The following CDK15 variants were observed in gnomAD, a reference collection of about 807,000 sequenced individuals.
CDK15 encodes the protein cyclin dependent kinase 15, also known as cyclin-dependent kinase 15.
In CDK15, 62 loss-of-function variants were observed where a neutral mutation model predicts 60.3. The ratio of observed to expected loss-of-function variants is 1.03; its 90% CI spans 0.84 to 1.27. The LOEUF is 1.27. CDK15 is among the 50% of genes most tolerant of loss of function. The pLI is 0.00. For synonymous variants in CDK15, 194 were observed against 195.7 expected, an observed-to-expected ratio of 0.99 and a Z score of 0.07; for missense variants, 541 against 527.8, an observed-to-expected ratio of 1.03 and a Z score of -0.25.
intron 9 of CDK15, among the ~76,000 whole-genome samples, chr2:201,851,098 C>A (rs1284950133): frequency 6.6e-6 from 1 of 151,812 alleles, no homozygotes; most frequent in Non-Finnish European, 1.5e-5. Flanking sequence ...TCAAGACCAG[C>A]CTGGTCAATA....
At chr2:201,879,145 G>A (rs1346855247) in intron 11 of CDK15, among the ~76,000 whole-genome samples, 1 of 152,152 alleles carries the variant, frequency 6.6e-6, no homozygotes, top group Non-Finnish European at 1.5e-5. Flanking sequence ...AGATCAACTT[G>A]AGGATTTGTC....
chr2:201,862,223 G>T lies in CDK15; in HGVS notation c.1009+7286G>T, dbSNP rs183063871. ...AGGGCCTTTCCCTGGGAGAATCCTT[G>T]TCATCTACATGCTACATAATGGGTA... On this transcript the variant is annotated intron_variant, in intron 10 of 13. Coordinates refer to ENST00000652192, the MANE Select transcript of CDK15 (RefSeq NM_001366386.2). Among the ~76,000 whole-genome samples, 177 of 152,280 alleles carry T rather than the reference G, an allele frequency of 1.2e-3. 1 individual carries two copies. Among genetic ancestry groups the T allele is most frequent in the African/African-American group, 4.1e-3 (172 of 41,556 alleles).
intron 6 of CDK15, among the ~76,000 whole-genome samples, chr2:201,832,392 AC>A (rs1696796301): frequency 6.6e-6 from 1 of 152,140 alleles, no homozygotes; most frequent in Admixed American, 6.5e-5. Flanking sequence ...CTTGTCTTTT[AC>A]CTGGAATTTA....
intron 3 of CDK15, among the ~76,000 whole-genome samples, chr2:201,809,008 T>C (rs1695637174): frequency 6.6e-6 from 1 of 152,152 alleles, no homozygotes; most frequent in Non-Finnish European, 1.5e-5. Flanking sequence ...GACTGCAACC[T>C]CTGCCTCCTG....
chr2:201,829,804 T>TTTTA (rs201181170), intron 6 of CDK15, among the ~76,000 whole-genome samples: 3 of 151,670 alleles, frequency 2.0e-5, no homozygotes, highest in African/African-American at 7.3e-5. Flanking sequence ...TTAATTTTAT[T>TTTTA]TTTATTTATT....
chr2:201,824,210 A>G (rs746647653), intron 6 of CDK15, among the ~76,000 whole-genome samples: 3 of 152,200 alleles, frequency 2.0e-5, no homozygotes, highest in Non-Finnish European at 2.9e-5. Context: ...AATTAGCTAT[A>G]ATTCTACATC....
intron 12 of CDK15, among the ~76,000 whole-genome samples, chr2:201,890,528 T>C (rs1321944672): frequency 1.3e-5 from 2 of 152,228 alleles, no homozygotes; most frequent in African/African-American, 4.8e-5. Flanking sequence ...ATTTTTATCA[T>C]CTTCAACAAG....
chr2:201,858,921 C>A (rs774336305), intron 10 of CDK15, among the ~76,000 whole-genome samples: 2 of 152,154 alleles, frequency 1.3e-5, no homozygotes, highest in Non-Finnish European at 2.9e-5. Flanking sequence ...TTTGACTCAG[C>A]CGCCAGAACA....
chr2:201,854,693 A>C, intron 9 of CDK15, 181 bp from the exon 10 acceptor site: 2 of 590,084 alleles, frequency 3.4e-6, no homozygotes, highest in Non-Finnish European at 6.0e-6. Flanking sequence ...TTGCCCAAGA[A>C]ACCACAAACG....
rs73057628 is a variant in CDK15 at position 201,872,430 on chromosome 2, C to T, written c.1058+104C>T. 9,570 of 1,181,812 alleles carry T rather than the reference C, an allele frequency of 8.1e-3. 547 individuals are homozygous for T. In the African/African-American group the frequency reaches 0.12, roughly 15 times the overall value. 73.2% of individuals were successfully genotyped at this position (1,181,812 alleles called of 1,614,324 possible). A position where few individuals can be genotyped will look rare whatever the true frequency, so the allele number is the denominator to read the frequency against. On this transcript the variant is annotated intron_variant, in intron 11 of 13. Coordinates refer to ENST00000652192, the MANE Select transcript of CDK15 (RefSeq NM_001366386.2). ...CTGAACAGCAGCCCCCGAGCACTTC[C>T]ATGTGGGGGCTCTAAGCTGTAGGAA... is the stretch of plus-strand genomic sequence containing the variant.
In CDK15 at chr2:201,807,515, T is replaced by C; in HGVS notation, c.145T>C (p.Ser49Pro). ...AFKLTDLKEA[S>P]CSMTSFHPRG... ...CTAGCTAACAGACCTAAAAGAAGCA[T>C]CATGTTCCATGACTTCATTTCACCC... Residue 49 changes from serine to proline, a missense_variant, in exon 2 of 14, where the codon TCA becomes CCA. Transcript: ENST00000652192. 6.2e-7 allele frequency: 1 copy of C among 1,614,182 alleles called. No homozygotes were observed. Among genetic ancestry groups the C allele is most frequent in the Non-Finnish European group, 8.5e-7 (1 of 1,180,022 alleles).
chr2:201,880,242 A>G (rs759795019), intron 12 of CDK15, 75 bp downstream of exon 12: 68 of 1,543,762 alleles, frequency 4.4e-5, no homozygotes, highest in Non-Finnish European at 5.9e-5. Flanking sequence ...TGGTGTCTTA[A>G]GTAGTTTGCC....
intron 4 of CDK15, among the ~76,000 whole-genome samples, chr2:201,818,525 A>AGAAG (rs1696085213): frequency 2.0e-5 from 3 of 152,336 alleles, no homozygotes; most frequent in Admixed American, 2.0e-4. Flanking sequence ...CCTTAAAATT[A>AGAAG]GAAGAAAGAA....
intron 12 of CDK15, among the ~76,000 whole-genome samples, chr2:201,881,276 T>A (rs1457448023): frequency 6.6e-6 from 1 of 152,146 alleles, no homozygotes; most frequent in African/African-American, 2.4e-5. Context: ...CTAAAGTGAG[T>A]CATTTAGGAT....
At chr2:201,809,109 A>G (rs889089117) in intron 3 of CDK15, among the ~76,000 whole-genome samples, 2 of 152,108 alleles carry the variant, frequency 1.3e-5, no homozygotes, top group Non-Finnish European at 2.9e-5. Context: ...TGCTGAGAAC[A>G]TCTGCAATAA....
chr2:201,869,591 G>T (rs1414306884), intron 10 of CDK15, among the ~76,000 whole-genome samples: 1 of 152,046 alleles, frequency 6.6e-6, no homozygotes, highest in East Asian at 1.9e-4. Context: ...GGTTGCCATG[G>T]ATGGTCAAAG....
chr2:201,810,972 A>C (rs1166878540), intron 3 of CDK15, among the ~76,000 whole-genome samples: 1 of 148,880 alleles, frequency 6.7e-6, no homozygotes, highest in Admixed American at 6.8e-5. Flanking sequence ...CCTCCTGAGT[A>C]GCTGGGATCA....
chr2:201,815,405 C>CAGGT (rs1695947277), intron 4 of CDK15, among the ~76,000 whole-genome samples: 1 of 152,132 alleles, frequency 6.6e-6, no homozygotes, highest in Non-Finnish European at 1.5e-5. Context: ...CTACTATGAC[C>CAGGT]AGGTACTCTG....
rs1350566746 is a variant in CDK15, at chr2:201,860,719, T to C, written c.1009+5782T>C. ...CCCAGTTGTTTTTCAGTATGCTTGCTTTATCAACTTCTGACCACCAGGTGG... is the reference window on the plus strand; with the variant it reads ...CCCAGTTGTTTTTCAGTATGCTTGCCTTATCAACTTCTGACCACCAGGTGG... On this transcript the variant is annotated intron_variant, in intron 10 of 13. Coordinates refer to ENST00000652192, the MANE Select transcript of CDK15 (RefSeq NM_001366386.2). The C allele has an allele frequency of 4.4e-6, 6 of 1,351,986 alleles. No individual in the cohort carries two copies. In the African/African-American group the frequency reaches 7.4e-5, roughly 17 times the overall value. 83.7% of individuals were successfully genotyped at this position (1,351,986 alleles called of 1,614,324 possible).
Sources: gnomAD v4.1 joint callset for allele counts (sites outside exome capture counted in the v4.1 genomes callset) on GRCh38, gnomAD v4.1.1 for gene constraint, MANE v1.5 for transcripts, NCBI Gene and HGNC (gene_info 2026-07-23, HGNC 2026-07-21) for gene names.